P4HB: variants seen among roughly 807,000 people sequenced by gnomAD.
P4HB encodes the protein prolyl 4-hydroxylase subunit beta.
In P4HB, 20 loss-of-function variants were observed where a neutral mutation model predicts 52.6. The observed-to-expected ratio is 0.38, with a 90% CI of 0.27 to 0.55. The LOEUF (loss-of-function observed/expected upper bound fraction) is 0.55. Ranked by LOEUF, P4HB falls within the 20% of genes least tolerant of loss-of-function variation. The pLI is 0.74. For missense variants in P4HB, 601 were observed against 669.2 expected (o/e 0.90, Z 1.12); for synonymous variants, 296 against 277.9 (o/e 1.07, Z -0.65).
Position 81,843,969 on chromosome 17 carries a change from G to GC in P4HB, c.*42dup. On this transcript the variant is annotated 3_prime_UTR_variant, in exon 11 of 11. Coordinates refer to ENST00000331483, the MANE Select transcript of P4HB (RefSeq NM_000918.4). ...GGCGTGCGCTGCTGCTGGGTGTGCA[G>GC]CCCCCGAGGGGTCTCGGCAGCGCCC... is the stretch of plus-strand genomic sequence containing the variant. The GC allele has an allele frequency of 7.0e-7, 1 of 1,421,318 alleles. No individual in the cohort carries two copies. The highest frequency in any genetic ancestry group is 1.0e-6 in the Non-Finnish European group (1 of 1,004,950). The allele number at this position is 1,421,318 out of a possible 1,614,324, so 88.0% of individuals were successfully genotyped here. A position where few individuals can be genotyped will look rare whatever the true frequency, so the allele number is the denominator to read the frequency against.
rs965859846 is a variant in P4HB, at chr17:81,853,274, G to C, written c.624+1868C>G. 7.9e-5 allele frequency among the ~76,000 whole-genome samples: 12 copies of C among 152,190 alleles called. No homozygotes were observed. The East Asian group carries it at 1.2e-3, about 15-fold the overall frequency. Reference sequence around the variant, plus strand: ...GGTCCCGGGGAGTGCTGGATGCTCCGTGCTTACTACAGAAAGTGAATGGGT... The same window carrying C: ...GGTCCCGGGGAGTGCTGGATGCTCCCTGCTTACTACAGAAAGTGAATGGGT... On this transcript the variant is annotated intron_variant, in intron 4 of 10. Coordinates refer to ENST00000331483, the MANE Select transcript of P4HB (RefSeq NM_000918.4).
chr17:81,847,697 T>C, intron 4 of P4HB: 1 of 298,666 alleles, frequency 3.3e-6, no homozygotes, highest in Non-Finnish European at 6.6e-6. Flanking sequence ...TATTTGTTTT[T>C]GAGACAGTCT....
intron 4 of P4HB, among the ~76,000 whole-genome samples, chr17:81,848,297 A>G (rs935019001): frequency 1.3e-5 from 2 of 152,234 alleles, no homozygotes; most frequent in African/African-American, 4.8e-5. Flanking sequence ...TGCTGGGCGC[A>G]TGGTGTCGCA....
chr17:81,859,689 A>G (rs1048698911), intron 1 of P4HB: 5 of 439,126 alleles, frequency 1.1e-5, no homozygotes, highest in African/African-American at 6.0e-5. Context: ...CCCACAGGCA[A>G]CTAAGGCAAG....
At position 81,843,356 on chromosome 17, in the gene P4HB, C is replaced by T. The variant is rs960659683; in HGVS notation, c.*656G>A. 4 of 396,792 alleles carry T rather than the reference C, an allele frequency of 1.0e-5. No individual in the cohort carries two copies. The highest frequency in any genetic ancestry group is 4.4e-5 in the Admixed American group (1 of 22,718). 24.6% of individuals were successfully genotyped at this position (396,792 alleles called of 1,614,324 possible). A position where few individuals can be genotyped will look rare whatever the true frequency, so the allele number is the denominator to read the frequency against. ...GAGGCCAGTGGTCACAATGAGCCCA[C>T]GACAGGAGGAGGAGCCCTGGCTTGA... On this transcript the variant is annotated 3_prime_UTR_variant, in exon 11 of 11. Coordinates refer to ENST00000331483, the MANE Select transcript of P4HB (RefSeq NM_000918.4).
intron 2 of P4HB, chr17:81,858,753 C>G (rs867266387): frequency 5.0e-6 from 1 of 199,412 alleles, no homozygotes; most frequent in African/African-American, 2.3e-5. Context: ...AGAGAGGATG[C>G]GAGGAGAAAT....
intron 2 of P4HB, among the ~76,000 whole-genome samples, chr17:81,858,612 C>G (rs1239558517): frequency 6.6e-6 from 1 of 152,172 alleles, no homozygotes; most frequent in African/African-American, 2.4e-5. Flanking sequence ...AGGCGGCAGA[C>G]GAGCAGCTGA....
chr17:81,860,118 G>A, intron 1 of P4HB: 1 of 409,920 alleles, frequency 2.4e-6, no homozygotes, highest in Non-Finnish European at 4.3e-6. Flanking sequence ...CCGTGCGCAG[G>A]GCGGGCATCG....
intron 1 of P4HB, chr17:81,859,758 GGCCTGTACCAGCA>G: frequency 3.2e-6 from 1 of 312,070 alleles, no homozygotes; most frequent in East Asian, 8.0e-5. Context: ...TGACCGTGGC[GGCCTGTACCAGCA>G]CTAGCTGTGA....
chr17:81,856,334 C>CTTT (rs531626630), intron 2 of P4HB, among the ~76,000 whole-genome samples: 173 of 130,878 alleles, frequency 1.3e-3, no homozygotes, highest in Non-Finnish European at 2.1e-3. Context: ...ACCCAACTAA[C>CTTT]TTTTTTTTTT....
chr17:81,860,511 C>T lies in P4HB; in HGVS notation c.-40G>A. On this transcript the variant is annotated 5_prime_UTR_variant, in exon 1 of 11. Coordinates refer to ENST00000331483, the MANE Select transcript of P4HB (RefSeq NM_000918.4). ...AGGCGGGGCGCTTCGGTTGGCGCCG[C>T]CGGGACAGCGGGGGCGACGAGAGCG... 5.6e-6 allele frequency: 7 copies of T among 1,239,774 alleles called. No individual in the cohort carries two copies. Among genetic ancestry groups the T allele is most frequent in the African/African-American group, 1.6e-5 (1 of 64,122 alleles). The allele number at this position is 1,239,774 out of a possible 1,614,324, so 76.8% of individuals were successfully genotyped here. A position where few individuals can be genotyped will look rare whatever the true frequency, so the allele number is the denominator to read the frequency against.
In P4HB at chr17:81,845,746, A is replaced by G; in HGVS notation, c.1178-4T>C. The G allele has an allele frequency of 6.2e-7, 1 of 1,612,584 alleles. No individual in the cohort carries two copies. The highest frequency in any genetic ancestry group is 8.5e-7 in the Non-Finnish European group (1 of 1,178,876). ...CAGTGACCACACCATGGGGCATCTG[A>G]AAAGAAAGCAGTTCTAGGGTGTGTC... On this transcript the variant is annotated splice_polypyrimidine_tract_variant and splice_region_variant and intron_variant, in intron 8 of 10. Coordinates refer to ENST00000331483, the MANE Select transcript of P4HB (RefSeq NM_000918.4).
chr17:81,847,454 T>C (rs1009007815), intron 4 of P4HB, 107 bp from the exon 5 acceptor site: 1 of 902,070 alleles, frequency 1.1e-6, no homozygotes, highest in Non-Finnish European at 1.9e-6. Flanking sequence ...AGCCCTGCCC[T>C]CCCGTGGGGT....
chr17:81,844,275 C>T (rs554321893), intron 10 of P4HB, among the ~76,000 whole-genome samples, 183 bp from the exon 11 acceptor site: 56 of 152,314 alleles, frequency 3.7e-4, no homozygotes, highest in African/African-American at 1.2e-3. Context: ...GGAAGAGTGA[C>T]GCCTGGGGGA....
Position 81,859,050 on chromosome 17 carries a change from C to T in P4HB, c.352+131G>A, listed in dbSNP as rs1533756. On this transcript the variant is annotated intron_variant, in intron 2 of 10. Coordinates refer to ENST00000331483, the MANE Select transcript of P4HB (RefSeq NM_000918.4). The stretch of plus-strand genomic sequence containing the variant: ...GGGCACAAGTGGACAGAGAACCCGG[C>T]CTGAGGAACGGGATCCCTCCAAGCC... 342,515 of 748,746 alleles carry T rather than the reference C, an allele frequency of 0.46. 82,006 individuals are homozygous for T. Among genetic ancestry groups the T allele is most frequent in the South Asian group, 0.66 (39,763 of 60,474 alleles). The allele number at this position is 748,746 out of a possible 1,614,324, so 46.4% of individuals were successfully genotyped here. A position where few individuals can be genotyped will look rare whatever the true frequency, so the allele number is the denominator to read the frequency against.
Position 81,845,173 on chromosome 17 carries a change from C to T in P4HB, c.1417G>A (p.Gly473Ser), listed in dbSNP as rs777486359. The T allele has an allele frequency of 1.1e-5, 17 of 1,613,722 alleles. No individual in the cohort carries two copies. The highest frequency in any genetic ancestry group is 1.6e-4 in the Middle Eastern group (1 of 6,084). ...TCATCCCCTGCCCCATCCTGGCCAC[C>T]GCTCTCCAGGAATTTCTTAAAACCA... ...LDGFKKFLES[G>S]GQDGAGDDDD... The change falls in exon 10 of 11, where the codon GGT (glycine) becomes AGT (serine). Residue 473 changes from glycine to serine, a missense_variant. Gly to Ser is a moderately conservative substitution (Grantham distance 56, BLOSUM62 0). Transcript: ENST00000331483.
chr17:81,854,442 T>G (rs1353852609), intron 4 of P4HB, among the ~76,000 whole-genome samples: 1 of 150,868 alleles, frequency 6.6e-6, no homozygotes, highest in African/African-American at 2.4e-5. Flanking sequence ...CTCGGGAGGC[T>G]GAGGTTAGAG....
intron 2 of P4HB, among the ~76,000 whole-genome samples, chr17:81,857,704 A>G (rs143818671): frequency 0.011 from 1,623 of 152,270 alleles, 33 homozygotes; most frequent in African/African-American, 0.037. Flanking sequence ...AAGATGACAC[A>G]CTTTTATGCC....
At chr17:81,849,084 G>A (rs899833796) in intron 4 of P4HB, among the ~76,000 whole-genome samples, 2 of 151,958 alleles carry the variant, frequency 1.3e-5, no homozygotes, top group African/African-American at 4.8e-5. Context: ...AAATCAGTTG[G>A]GTATGGTGGC....
Sources: allele counts gnomAD v4.1 joint callset (sites outside exome capture counted in the v4.1 genomes callset), GRCh38; gene constraint gnomAD v4.1.1; transcripts MANE v1.5; gene names NCBI Gene and HGNC (gene_info 2026-07-23, HGNC 2026-07-21).